The following ATF7IP2 variants were observed in gnomAD, a reference collection of about 807,000 sequenced individuals.
ATF7IP2 encodes the protein activating transcription factor 7 interacting protein 2, also known as activating transcription factor 7-interacting protein 2.
Under a neutral mutation model 64.2 loss-of-function variants are expected in ATF7IP2, and 42 were observed. That is an observed-to-expected ratio of 0.65 (90% confidence interval 0.51 to 0.85). The LOEUF (loss-of-function observed/expected upper bound fraction) is 0.85. ATF7IP2 is among the 40% of genes least tolerant of loss of function. The pLI, the probability that ATF7IP2 is intolerant of heterozygous loss-of-function variation, is 0.00. For synonymous variants in ATF7IP2, 308 were observed against 272.8 expected, an observed-to-expected ratio of 1.13 and a Z score of -1.27; for missense variants, 933 against 784.2, an observed-to-expected ratio of 1.19 and a Z score of -2.27.
intron 5 of ATF7IP2, 84 bp from the exon 6 acceptor site, chr16:10,433,441 C>A: frequency 1.5e-6 from 2 of 1,297,158 alleles, no homozygotes; most frequent in Non-Finnish European, 1.1e-6. Context: ...TCCCAGAGTG[C>A]TGGGATTACA....
intron 8 of ATF7IP2, among the ~76,000 whole-genome samples, chr16:10,450,547 A>G (rs2048951279): frequency 6.6e-6 from 1 of 151,938 alleles, no homozygotes; most frequent in Non-Finnish European, 1.5e-5. Context: ...TGTTTCATTG[A>G]TCCCTTTACC....
intron 9 of ATF7IP2, among the ~76,000 whole-genome samples, chr16:10,460,932 C>A (rs2049353564): frequency 1.3e-5 from 2 of 152,148 alleles, no homozygotes; most frequent in East Asian, 3.9e-4. Flanking sequence ...ATAATCGCAG[C>A]ACATATAACC....
intron 8 of ATF7IP2, among the ~76,000 whole-genome samples, chr16:10,454,731 G>A (rs891435785): frequency 1.3e-5 from 2 of 152,138 alleles, no homozygotes; most frequent in African/African-American, 4.8e-5. Flanking sequence ...TTAGTGGTTA[G>A]ATTATGTACT....
chr16:10,394,327 C>T (rs777262993), intron 1 of ATF7IP2, among the ~76,000 whole-genome samples: 13 of 152,132 alleles, frequency 8.5e-5, no homozygotes, highest in Middle Eastern at 3.2e-3. Context: ...GAGTTGGTGC[C>T]TCAGGCATAC....
chr16:10,391,473 T>C (rs565181593), intron 1 of ATF7IP2, among the ~76,000 whole-genome samples: 6 of 152,258 alleles, frequency 3.9e-5, no homozygotes, highest in Admixed American at 3.3e-4. Context: ...GAACACTGTA[T>C]AATAGGAAGC....
intron 1 of ATF7IP2, among the ~76,000 whole-genome samples, chr16:10,396,465 G>A (rs28847139): frequency 0.041 from 6,307 of 152,152 alleles, 464 homozygotes; most frequent in African/African-American, 0.14. Context: ...GCAGACCAAC[G>A]TCATGGAGAT....
Position 10,482,166 on chromosome 16 carries a change from G to T in ATF7IP2, c.1966G>T (p.Val656Phe), listed in dbSNP as rs754432249. The T allele has an allele frequency of 6.2e-7, 1 of 1,613,046 alleles. No homozygotes were observed. The highest frequency in any genetic ancestry group is 1.1e-5 in the South Asian group (1 of 91,026). ...FLASNRYYFT[V>F]QSKDIFGRYG... The stretch of plus-strand genomic sequence containing the variant: ...AGCTTCCAACAGATACTATTTTACT[G>T]TCCAATCAAAAGATATTTTTGGACG... The change falls in exon 14 of 14, where the codon GTC becomes TTC. Residue 656 changes from valine to phenylalanine, a missense_variant. Coordinates refer to ENST00000562102, the MANE Select transcript of ATF7IP2 (RefSeq NM_001393719.1).
chr16:10,453,694 C>T (rs908465911), intron 8 of ATF7IP2, among the ~76,000 whole-genome samples: 21 of 152,140 alleles, frequency 1.4e-4, no homozygotes, highest in Non-Finnish European at 1.9e-4. Flanking sequence ...CTCAGCTCAT[C>T]GCAACCTCCA....
Position 10,482,299 on chromosome 16 carries a change from G to T in ATF7IP2, c.*50G>T. On this transcript the variant is annotated 3_prime_UTR_variant, in exon 14 of 14. Transcript: ENST00000562102. The stretch of plus-strand genomic sequence containing the variant: ...CTTTTTTTTTCATATTTGTTTGTTT[G>T]CAATGTTACTGTAATACTATTTGCC... 1 of 1,370,078 alleles carries T rather than the reference G, an allele frequency of 7.3e-7. No individual in the cohort carries two copies. 84.9% of individuals were successfully genotyped at this position (1,370,078 alleles called of 1,614,324 possible).
At chr16:10,454,713 G>C (rs2049110403) in intron 8 of ATF7IP2, among the ~76,000 whole-genome samples, 1 of 151,978 alleles carries the variant, frequency 6.6e-6, no homozygotes, top group Non-Finnish European at 1.5e-5. Context: ...CTTATTCTAA[G>C]CATCTTCTTA....
intron 3 of ATF7IP2, among the ~76,000 whole-genome samples, chr16:10,426,201 C>A (rs1304073542): frequency 2.6e-5 from 4 of 152,094 alleles, no homozygotes; most frequent in Non-Finnish European, 2.9e-5. Context: ...ACAGTATTAC[C>A]ATCTCAAAGA....
At chr16:10,473,573 A>T (rs1195100589) in intron 11 of ATF7IP2, 39 bp downstream of exon 11, 1 of 1,381,356 alleles carries the variant, frequency 7.2e-7, no homozygotes, top group East Asian at 2.3e-5. Context: ...TGTTTATTTA[A>T]ATATGTTAGT....
intron 6 of ATF7IP2, among the ~76,000 whole-genome samples, chr16:10,436,087 G>A (rs556144097): frequency 2.0e-4 from 31 of 152,340 alleles, no homozygotes; most frequent in African/African-American, 7.5e-4. Context: ...TTGGCCGGGC[G>A]TGGTGGCTCA....
In ATF7IP2 at chr16:10,433,419, C is replaced by T. The variant is rs1241361559; in HGVS notation, c.836-106C>T. ...TGAACTCCTGGCCTTAAGCCACCCT[C>T]CCTCCTTAGCCTCCCAGAGTGCTGG... is the stretch of plus-strand genomic sequence containing the variant. On this transcript the variant is annotated intron_variant, in intron 5 of 13. Coordinates refer to ENST00000562102, the MANE Select transcript of ATF7IP2 (RefSeq NM_001393719.1). The T allele has an allele frequency of 1.3e-5, 13 of 1,034,698 alleles. No homozygotes were observed. The South Asian group carries it at 1.6e-4, about 12-fold the overall frequency. 64.1% of individuals were successfully genotyped at this position (1,034,698 alleles called of 1,614,324 possible).
intron 1 of ATF7IP2, among the ~76,000 whole-genome samples, chr16:10,390,156 C>T (rs1350218685): frequency 6.6e-6 from 1 of 151,774 alleles, no homozygotes; most frequent in African/African-American, 2.4e-5. Flanking sequence ...TATTAAGATA[C>T]TACCTTGGAG....
At chr16:10,386,752 C>A (rs772925567) in intron 1 of ATF7IP2, 3 of 152,182 alleles carry the variant, frequency 2.0e-5, no homozygotes, top group Non-Finnish European at 4.4e-5. Context: ...GGTAGAAGTT[C>A]GTTTTTATGA....
At chr16:10,465,198 C>G (rs1349634604) in intron 9 of ATF7IP2, among the ~76,000 whole-genome samples, 1 of 152,106 alleles carries the variant, frequency 6.6e-6, no homozygotes, top group African/African-American at 2.4e-5. Context: ...GATGAGGAAA[C>G]CAAAGCAGAG....
chr16:10,427,963 C>T (rs6497989), intron 3 of ATF7IP2, among the ~76,000 whole-genome samples: 119,140 of 152,088 alleles, frequency 0.78, 47,382 homozygotes, highest in African/African-American at 0.92. Context: ...AAGAAGAACA[C>T]GAATTATTGC....
chr16:10,398,012 A>G (rs1336424562), intron 1 of ATF7IP2, among the ~76,000 whole-genome samples: 2 of 152,050 alleles, frequency 1.3e-5, no homozygotes, highest in East Asian at 1.9e-4. Context: ...CTTATCAAAA[A>G]TGAAAGATAA....
Sources: allele counts gnomAD v4.1 joint callset (sites outside exome capture counted in the v4.1 genomes callset), GRCh38; gene constraint gnomAD v4.1.1; transcripts MANE v1.5; gene names NCBI Gene and HGNC (gene_info 2026-07-23, HGNC 2026-07-21).